The following CAPN15 variants were observed in gnomAD, a reference collection of about 807,000 sequenced individuals.
CAPN15 encodes the protein calpain 15, also known as calpain-15.
CAPN15 carries 53 observed loss-of-function variants against 97.9 expected under a neutral mutation model. The ratio of observed to expected loss-of-function variants is 0.54; its 90% CI spans 0.43 to 0.68. CAPN15 has a LOEUF of 0.68. Among genes scored for constraint, CAPN15 ranks in the 30% least tolerant of loss-of-function variants. The probability of loss-of-function intolerance (pLI) is 0.00; values close to 1 mark genes in which losing one functional copy is unlikely to be tolerated. For synonymous variants in CAPN15, 922 were observed against 722.5 expected, an observed-to-expected ratio of 1.28 and a Z score of -4.43; for missense variants, 1,592 against 1,589.8, an observed-to-expected ratio of 1.00 and a Z score of -0.02.
Position 554,593 on chromosome 16 carries a change from G to C in CAPN15, c.*1077G>C, listed in dbSNP as rs753202452. 3 of 456,248 alleles carry C rather than the reference G, an allele frequency of 6.6e-6. No homozygotes were observed. Among genetic ancestry groups the C allele is most frequent in the South Asian group, 4.6e-5 (3 of 64,566 alleles). 28.3% of individuals were successfully genotyped at this position (456,248 alleles called of 1,614,324 possible). ...CATAGGATTCTCCACAGTGGCTTCCGACTCAGGCTCCAATGGACCAAATAA... is the reference window on the plus strand; with the variant it reads ...CATAGGATTCTCCACAGTGGCTTCCCACTCAGGCTCCAATGGACCAAATAA... On this transcript the variant is annotated 3_prime_UTR_variant, in exon 14 of 14. Transcript: ENST00000219611.
intron 7 of CAPN15, 32 bp downstream of exon 7, chr16:549,870 G>A (rs780977865): frequency 1.5e-5 from 22 of 1,502,088 alleles, no homozygotes; most frequent in African/African-American, 6.9e-5. Context: ...GGTCAGCCGC[G>A]TTGGGAGGAG....
Position 549,065 on chromosome 16 carries a change from G to C in CAPN15, c.1522G>C (p.Val508Leu), listed in dbSNP as rs780900950. Residue 508 changes from valine (V) to leucine (L), a missense_variant, in exon 5 of 14, where the codon GTG (valine) becomes CTG (leucine). Val to Leu is a conservative substitution (Grantham distance 32). Coordinates refer to ENST00000219611, the MANE Select transcript of CAPN15 (RefSeq NM_005632.3). ...ESVGFPAGDS[V>L]QQRVRQWLRP... ...TGTCGGCTTCCCCGCGGGTGACAGCGTGCAGCAGCGTGTGAGGCAGTGGCT... is the reference window on the plus strand; with the variant it reads ...TGTCGGCTTCCCCGCGGGTGACAGCCTGCAGCAGCGTGTGAGGCAGTGGCT... The C allele has an allele frequency of 1.2e-6, 2 of 1,612,672 alleles. No homozygotes were observed. Among genetic ancestry groups the C allele is most frequent in the Non-Finnish European group, 1.7e-6 (2 of 1,179,938 alleles).
Position 549,134 on chromosome 16 carries a change from G to T in CAPN15, c.1591G>T (p.Ala531Ser). The change falls in exon 5 of 14, where the codon GCC becomes TCC. Residue 531 changes from alanine to serine, a missense_variant. Physicochemically the swap from Ala to Ser is moderately conservative, Grantham distance 99 (BLOSUM62 1). Transcript: ENST00000219611. ...CTGCTCCGTCTTCAGGGACCACAGG[G>T]CCACGTGGTCTGTGTTCCACACACT... ...INCSVFRDHR[A>S]TWSVFHTLRP... 1.2e-6 allele frequency: 2 copies of T among 1,611,662 alleles called. No homozygotes were observed. Among genetic ancestry groups the T allele is most frequent in the Non-Finnish European group, 1.7e-6 (2 of 1,179,894 alleles).
intron 9 of CAPN15, 182 bp from the exon 10 acceptor site, chr16:551,869 C>CCTCCAG: frequency 2.0e-6 from 2 of 976,792 alleles, no homozygotes; most frequent in Non-Finnish European, 1.6e-6. Context: ...CCTGAAGAGC[C>CCTCCAG]GGCCCTGGAG....
intron 13 of CAPN15, 62 bp from the exon 14 acceptor site, chr16:553,277 G>A: frequency 8.0e-7 from 1 of 1,251,084 alleles, no homozygotes; most frequent in Non-Finnish European, 1.1e-6. Context: ...GTACAGGTGG[G>A]CACAGCCCTG....
intron 3 of CAPN15, 116 bp from the exon 4 acceptor site, chr16:546,701 C>T (rs931319561): frequency 3.7e-6 from 5 of 1,355,698 alleles, no homozygotes; most frequent in Non-Finnish European, 4.9e-6. Context: ...AGCCCTAGGC[C>T]CTCGGCCCCG....
At position 552,289 on chromosome 16, in the gene CAPN15, T is replaced by C. The variant is rs771537141; in HGVS notation, c.2508-12T>C. On this transcript the variant is annotated splice_polypyrimidine_tract_variant and intron_variant, in intron 10 of 13. Coordinates refer to ENST00000219611, the MANE Select transcript of CAPN15 (RefSeq NM_005632.3). The surrounding 1 kb of genome is among the most constrained non-coding windows in gnomAD (Gnocchi z 6.4). ...GACCACGCGTGACCCTGGCCCGTGG[T>C]GTCTGGCGCAGGCGCTCGGACGCCG... 3.2e-6 allele frequency: 5 copies of C among 1,545,082 alleles called. No individual in the cohort carries two copies. The South Asian group carries it at 5.9e-5, about 18-fold the overall frequency.
chr16:547,586 G>A lies in CAPN15; in HGVS notation c.748G>A (p.Glu250Lys), dbSNP rs770957213. 22 of 1,579,144 alleles carry A rather than the reference G, an allele frequency of 1.4e-5. No homozygotes were observed. The highest frequency in any genetic ancestry group is 4.5e-5 in the East Asian group (2 of 44,308). ...CAACCCCGTGCCGCGCAGCCGACGC[G>A]AGGTTCCCCCCCAGCTGCAGCCACC... is the stretch of plus-strand genomic sequence containing the variant. ...QNNPVPRSRREVPPQLQPPVP... is the reference protein window; with the variant it reads ...QNNPVPRSRRKVPPQLQPPVP... The change falls in exon 4 of 14, where the codon GAG (glutamate) becomes AAG (lysine). Residue 250 changes from glutamate (E) to lysine (K), a missense_variant. Glu to Lys is a moderately conservative substitution (Grantham distance 56). This residue lies in a region of CAPN15 where 883 missense variants were observed against 776.6 expected (regional missense o/e 1.14). Coordinates refer to ENST00000219611, the MANE Select transcript of CAPN15 (RefSeq NM_005632.3).
Position 547,899 on chromosome 16 carries a change from C to T in CAPN15, c.1061C>T (p.Pro354Leu). ...TGTGCCAAGTGCACGCTCAGAAACC[C>T]CACAGTGGCCCCCAGGTGCTCGGCC... ...WSCAKCTLRN[P>L]TVAPRCSACG... is the part of the protein sequence containing the mutation. Residue 354 changes from proline to leucine, a missense_variant, in exon 4 of 14, where the codon CCC (proline) becomes CTC (leucine). Pro to Leu is a moderately conservative substitution (Grantham distance 98, BLOSUM62 -3). This residue lies in a region of CAPN15 where 883 missense variants were observed against 776.6 expected (regional missense o/e 1.14). Transcript: ENST00000219611. 3 of 1,610,556 alleles carry T rather than the reference C, an allele frequency of 1.9e-6. No individual in the cohort carries two copies. In the East Asian group the frequency reaches 6.7e-5, roughly 36 times the overall value.
intron 9 of CAPN15, 80 bp downstream of exon 9, chr16:551,744 C>G: frequency 1.9e-6 from 3 of 1,548,810 alleles, no homozygotes; most frequent in East Asian, 2.3e-5. Flanking sequence ...AAGCCTGTCC[C>G]TCCTGCTGAC....
intron 4 of CAPN15, among the ~76,000 whole-genome samples, chr16:548,558 G>C (rs950826521): frequency 2.0e-5 from 3 of 152,240 alleles, no homozygotes; most frequent in Admixed American, 6.5e-5. Context: ...CCCGAGCCCC[G>C]TCTGATGTGC....
At position 547,641 on chromosome 16, in the gene CAPN15, C is replaced by T; in HGVS notation, c.803C>T (p.Ser268Phe). 6.4e-7 allele frequency: 1 copy of T among 1,569,808 alleles called. No homozygotes were observed. The highest frequency in any genetic ancestry group is 8.6e-7 in the Non-Finnish European group (1 of 1,158,858). Residue 268 changes from serine (S) to phenylalanine (F), a missense_variant, in exon 4 of 14, where the codon TCT (serine) becomes TTT (phenylalanine). Around this residue, in one of 3 missense-constraint regions of CAPN15, gnomAD observed 883 missense variants for 776.6 expected, o/e 1.14. Transcript: ENST00000219611. ...PVPEAAQPSP[S>F]AGCRGAPQGS... is the part of the protein sequence containing the mutation. ...CCTGAGGCTGCCCAGCCGTCACCCTCTGCCGGCTGCAGGGGAGCCCCCCAG... is the reference window on the plus strand; with the variant it reads ...CCTGAGGCTGCCCAGCCGTCACCCTTTGCCGGCTGCAGGGGAGCCCCCCAG...
chr16:546,550 G>A (rs1023162804), intron 3 of CAPN15, among the ~76,000 whole-genome samples: 1 of 152,250 alleles, frequency 6.6e-6, no homozygotes, highest in South Asian at 2.1e-4. Context: ...ACAGCAGCCC[G>A]GCTGTGGGGT....
At chr16:545,690 C>T (rs550119034) in intron 3 of CAPN15, among the ~76,000 whole-genome samples, 4 of 152,330 alleles carry the variant, frequency 2.6e-5, no homozygotes, top group East Asian at 1.9e-4. Context: ...CCTTGCTAGT[C>T]GGTGACAACT....
chr16:553,501 G>A lies in CAPN15; in HGVS notation c.3246G>A (p.Gly1082=), dbSNP rs762715821. 7 of 1,606,992 alleles carry A rather than the reference G, an allele frequency of 4.4e-6. No individual in the cohort carries two copies. In the Admixed American group the frequency reaches 1.0e-4, roughly 23 times the overall value. Residue 1082 remains glycine (G), a synonymous_variant, in exon 14 of 14, where the codon GGG becomes GGA. Coordinates refer to ENST00000219611, the MANE Select transcript of CAPN15 (RefSeq NM_005632.3). ...CGCCAGAGGTCGCCGGTCTGCATGG[G>A]CCCCGACCGCTGTGACCACCATGCC... ...PLTPEVAGLH[G]PRPL
Position 527,931 on chromosome 16 carries a change from G to T in CAPN15, c.-288G>T, listed in dbSNP as rs1361716081. ...AGAGGGGCCCCGCCGCTCTCCGGAG[G>T]CAGAAGTTGTGGATCGGCCGGCGGG... On this transcript the variant is annotated 5_prime_UTR_variant, in exon 1 of 14. Coordinates refer to ENST00000219611, the MANE Select transcript of CAPN15 (RefSeq NM_005632.3). 1 of 146,098 alleles carries T rather than the reference G, an allele frequency of 6.8e-6. No homozygotes were observed. The highest frequency in any genetic ancestry group is 2.5e-5 in the African/African-American group (1 of 40,796). 9.1% of individuals were successfully genotyped at this position (146,098 alleles called of 1,614,324 possible).
In CAPN15 at chr16:545,979, G is replaced by A. The variant is rs575685824; in HGVS notation, c.-22-838G>A. On this transcript the variant is annotated intron_variant, in intron 3 of 13. Coordinates refer to ENST00000219611, the MANE Select transcript of CAPN15 (RefSeq NM_005632.3). ...GGCGGGGAGAGGCCTGGCTGTCTACGGGCAGATTGCTTGGGCTTTCACAGA... is the reference window on the plus strand; with the variant it reads ...GGCGGGGAGAGGCCTGGCTGTCTACAGGCAGATTGCTTGGGCTTTCACAGA... Among the ~76,000 whole-genome samples, 5 of 152,342 alleles carry A rather than the reference G, an allele frequency of 3.3e-5. No homozygotes were observed. The South Asian group carries it at 8.3e-4, about 25-fold the overall frequency.
Position 553,647 on chromosome 16 carries a change from G to A in CAPN15, c.*131G>A, listed in dbSNP as rs1472343976. ...CCCGCCCAGGGAGCTGCCAGCCCAGGGCTCAGCTTCCCATGGGCCCCCCGC... is the reference window on the plus strand; with the variant it reads ...CCCGCCCAGGGAGCTGCCAGCCCAGAGCTCAGCTTCCCATGGGCCCCCCGC... On this transcript the variant is annotated 3_prime_UTR_variant, in exon 14 of 14. Coordinates refer to ENST00000219611, the MANE Select transcript of CAPN15 (RefSeq NM_005632.3). 3.5e-6 allele frequency: 2 copies of A among 578,498 alleles called. No homozygotes were observed. Among genetic ancestry groups the A allele is most frequent in the Admixed American group, 3.5e-5 (1 of 28,478 alleles). 35.8% of individuals were successfully genotyped at this position (578,498 alleles called of 1,614,324 possible).
chr16:540,848 C>T (rs2034062981), intron 3 of CAPN15, among the ~76,000 whole-genome samples: 1 of 152,346 alleles, frequency 6.6e-6, no homozygotes, highest in Admixed American at 6.5e-5. Flanking sequence ...CGCTGCGTCC[C>T]TCAGGAGCTG....
Sources: allele counts gnomAD v4.1 joint callset (sites outside exome capture counted in the v4.1 genomes callset), GRCh38; gene constraint gnomAD v4.1.1; regional missense constraint gnomAD v4.1.1; non-coding constraint Gnocchi (gnomAD v3.1); transcripts MANE v1.5; gene names NCBI Gene and HGNC (gene_info 2026-07-23, HGNC 2026-07-21).